The following PEX5L variants were observed in gnomAD, a reference collection of about 807,000 sequenced individuals.
PEX5L encodes peroxisomal biogenesis factor 5 like.
PEX5L carries 30 observed loss-of-function variants against 84.0 expected under a neutral mutation model. That is an observed-to-expected ratio of 0.36 (90% confidence interval 0.27 to 0.48). The LOEUF (loss-of-function observed/expected upper bound fraction) is 0.48. Ranked by LOEUF, PEX5L falls within the 20% of genes least tolerant of loss-of-function variation. The pLI is 0.99. For synonymous variants in PEX5L, 270 were observed against 283.1 expected, an observed-to-expected ratio of 0.95 and a Z score of 0.46; for missense variants, 533 against 754.6, an observed-to-expected ratio of 0.71 and a Z score of 3.44.
intron 1 of PEX5L, among the ~76,000 whole-genome samples, chr3:180,008,694 G>A (rs970801485): frequency 2.0e-5 from 3 of 152,262 alleles, no homozygotes; most frequent in Admixed American, 6.5e-5. Flanking sequence ...GAGAAAATGA[G>A]GAAGAAGCAA....
chr3:179,874,980 G>A (rs1406405073), intron 6 of PEX5L, among the ~76,000 whole-genome samples: 1 of 151,316 alleles, frequency 6.6e-6, no homozygotes, highest in Non-Finnish European at 1.5e-5. Context: ...TCTGATAGTG[G>A]ATGATGGAGC....
At chr3:179,863,550 C>T (rs554794427) in intron 7 of PEX5L, among the ~76,000 whole-genome samples, 54 of 152,142 alleles carry the variant, frequency 3.5e-4, no homozygotes, top group African/African-American at 6.3e-4. Flanking sequence ...CAAAAGAAGA[C>T]GTACAAATGG....
At chr3:179,999,291 G>A (rs567539032) in intron 1 of PEX5L, among the ~76,000 whole-genome samples, 1 of 152,332 alleles carries the variant, frequency 6.6e-6, no homozygotes, top group East Asian at 1.9e-4. Context: ...CAGCAGAGGA[G>A]GATGTTAATA....
chr3:180,036,512 T>C, intron 1 of PEX5L, 67 bp downstream of exon 1: 1 of 1,483,100 alleles, frequency 6.7e-7, no homozygotes, highest in Non-Finnish European at 9.4e-7. Flanking sequence ...CCACAGAAAC[T>C]TGGTGAACCG....
chr3:179,905,265 T>A (rs1249677024), intron 2 of PEX5L, among the ~76,000 whole-genome samples: 1 of 145,176 alleles, frequency 6.9e-6, no homozygotes, highest in African/African-American at 2.5e-5. Context: ...GGAAGTTGAG[T>A]CAATCTGTGT....
intron 9 of PEX5L, among the ~76,000 whole-genome samples, chr3:179,818,813 C>G (rs1258996959): frequency 6.6e-6 from 1 of 151,670 alleles, no homozygotes; most frequent in Non-Finnish European, 1.5e-5. Flanking sequence ...GAATGGTACT[C>G]CATTGTATAT....
At chr3:179,933,788 C>A (rs1489991744) in intron 2 of PEX5L, among the ~76,000 whole-genome samples, 1 of 152,238 alleles carries the variant, frequency 6.6e-6, no homozygotes. Context: ...CCTGAAGAGC[C>A]TCACCCTCAG....
intron 9 of PEX5L, among the ~76,000 whole-genome samples, chr3:179,818,497 G>A (rs1052263580): frequency 1.3e-5 from 2 of 151,894 alleles, no homozygotes; most frequent in Admixed American, 6.6e-5. Context: ...AATTATTGTT[G>A]AGTGTAGTCA....
Position 179,894,860 on chromosome 3 carries a change from TA to T in PEX5L, c.198+3281del, listed in dbSNP as rs1758734114. Among the ~76,000 whole-genome samples the T allele has an allele frequency of 3.9e-5, 6 of 152,174 alleles. No homozygotes were observed. The South Asian group carries it at 1.2e-3, about 32-fold the overall frequency. On this transcript the variant is annotated intron_variant, in intron 3 of 14. Coordinates refer to ENST00000467460, the MANE Select transcript of PEX5L (RefSeq NM_016559.3). The stretch of plus-strand genomic sequence containing the variant: ...CAAAGATAAATGGGCTATACCTTGC[TA>T]AAAAAGTATCTAGGAGATATGGTCA...
At chr3:179,892,881 C>T (rs998588785) in intron 3 of PEX5L, among the ~76,000 whole-genome samples, 4 of 152,172 alleles carry the variant, frequency 2.6e-5, no homozygotes, top group East Asian at 1.9e-4. Flanking sequence ...GGACTTGGAC[C>T]AATGTGAATG....
intron 2 of PEX5L, among the ~76,000 whole-genome samples, chr3:179,935,919 C>A (rs990652004): frequency 6.6e-6 from 1 of 152,126 alleles, no homozygotes; most frequent in Admixed American, 6.6e-5. Context: ...TTTTGGCATA[C>A]CCACTTTCCC....
intron 2 of PEX5L, among the ~76,000 whole-genome samples, chr3:179,913,871 G>T (rs1473553859): frequency 6.6e-6 from 1 of 152,044 alleles, no homozygotes; most frequent in Admixed American, 6.6e-5. Context: ...CTTAGAGTCT[G>T]TGAATGTTAA....
chr3:179,824,557 T>C (rs998502902), intron 8 of PEX5L, among the ~76,000 whole-genome samples: 1 of 151,916 alleles, frequency 6.6e-6, no homozygotes, highest in Non-Finnish European at 1.5e-5. Context: ...AAATACAGAA[T>C]TAGCCAGGCG....
At chr3:179,807,552 T>C in intron 14 of PEX5L, 122 bp downstream of exon 14, 2 of 893,256 alleles carry the variant, frequency 2.2e-6, no homozygotes, top group Non-Finnish European at 3.5e-6. Flanking sequence ...ACATTCACCC[T>C]TAACGGCAGG....
At chr3:179,880,521 G>A (rs1354098390) in intron 4 of PEX5L, among the ~76,000 whole-genome samples, 1 of 152,206 alleles carries the variant, frequency 6.6e-6, no homozygotes, top group Non-Finnish European at 1.5e-5. Context: ...GGTTTTGAAT[G>A]TCTTTGTGTT....
intron 10 of PEX5L, among the ~76,000 whole-genome samples, chr3:179,812,150 ATTAGG>A (rs1201264445): frequency 1.3e-5 from 2 of 152,168 alleles, no homozygotes; most frequent in Non-Finnish European, 2.9e-5. Flanking sequence ...ATTTCGTTAT[ATTAGG>A]TATCTTAAAA....
intron 2 of PEX5L, among the ~76,000 whole-genome samples, chr3:179,959,737 C>T (rs564399415): frequency 3.3e-5 from 5 of 152,232 alleles, no homozygotes; most frequent in South Asian, 4.2e-4. Context: ...TCTCTCACCC[C>T]GAACACTGAG....
chr3:180,005,467 G>A (rs1424963309), intron 1 of PEX5L, among the ~76,000 whole-genome samples: 1 of 152,122 alleles, frequency 6.6e-6, no homozygotes, highest in Non-Finnish European at 1.5e-5. Flanking sequence ...GGTGGCTCAC[G>A]CCTGTAATCC....
intron 1 of PEX5L, among the ~76,000 whole-genome samples, chr3:179,999,699 A>G (rs1160486615): frequency 1.3e-5 from 2 of 152,216 alleles, no homozygotes; most frequent in African/African-American, 2.4e-5. Flanking sequence ...CATCCATGGA[A>G]TCACGGAATG....
Sources: allele counts gnomAD v4.1 joint callset (sites outside exome capture counted in the v4.1 genomes callset), GRCh38; gene constraint gnomAD v4.1.1; transcripts MANE v1.5; gene names NCBI Gene and HGNC (gene_info 2026-07-23, HGNC 2026-07-21).